Variants in SLC39A11 observed in about 807,000 individuals in gnomAD.
SLC39A11 encodes zinc transporter ZIP11.
Under a neutral mutation model 36.1 loss-of-function variants are expected in SLC39A11, and 33 were observed. That is an observed-to-expected ratio of 0.91 (90% CI 0.69 to 1.22). SLC39A11 has a LOEUF of 1.22. Among genes scored for constraint, SLC39A11 ranks in the 50% most tolerant of loss-of-function variants. The pLI is 0.00. For missense variants in SLC39A11, 432 were observed against 430.3 expected (o/e 1.00, Z -0.03); for synonymous variants, 166 against 170.3 (o/e 0.97, Z 0.20).
chr17:72,958,624 G>GCA (rs1465806366), intron 4 of SLC39A11, among the ~76,000 whole-genome samples: 1 of 152,208 alleles, frequency 6.6e-6, no homozygotes, highest in East Asian at 1.9e-4. Context: ...GCCAAGGAAG[G>GCA]CATATCACCT....
chr17:72,697,478 G>A (rs1411335270), intron 7 of SLC39A11, among the ~76,000 whole-genome samples: 4 of 152,160 alleles, frequency 2.6e-5, no homozygotes, highest in Non-Finnish European at 5.9e-5. Context: ...GACAGAGGGT[G>A]GAGGCTCTGG....
rs1248856149 is a variant in SLC39A11 at position 72,947,754 on chromosome 17, A to T, written c.428T>A (p.Ile143Lys). 6.2e-7 allele frequency: 1 copy of T among 1,614,000 alleles called. No individual in the cohort carries two copies. Among genetic ancestry groups the T allele is most frequent in the South Asian group, 1.1e-5 (1 of 91,074 alleles). Reference sequence around the variant, plus strand: ...GCCTGAAAGAAGCCCAGCTCTACCTATCCGGATGGAAAGTTCACTCTCAGG... The same window carrying T: ...GCCTGAAAGAAGCCCAGCTCTACCTTTCCGGATGGAAAGTTCACTCTCAGG... Reference protein sequence around the residue: ...LFPESELSIRIDKSENGEAYQ... With the variant: ...LFPESELSIRKDKSENGEAYQ... The change falls in exon 5 of 10, where the codon ATA becomes AAA. Residue 143 changes from isoleucine (I) to lysine (K), a missense_variant and splice_region_variant. Coordinates refer to ENST00000255559, the MANE Select transcript of SLC39A11 (RefSeq NM_139177.4).
At chr17:72,725,668 C>T (rs893954591) in intron 7 of SLC39A11, 2 of 152,180 alleles carry the variant, frequency 1.3e-5, no homozygotes, top group African/African-American at 4.8e-5. Context: ...GTGGTGGCGC[C>T]GTCTGTCCAC....
intron 5 of SLC39A11, among the ~76,000 whole-genome samples, chr17:72,911,622 C>A (rs534527307): frequency 1.3e-5 from 2 of 152,036 alleles, no homozygotes; most frequent in Non-Finnish European, 2.9e-5. Flanking sequence ...GATTCTGATT[C>A]TTCTGTGAAG....
In SLC39A11 at chr17:73,005,151, AT is replaced by A. The variant is rs544525983; in HGVS notation, c.306+26404del. On this transcript the variant is annotated intron_variant, in intron 4 of 9. Transcript: ENST00000255559. ...AGCTGGGATTACAACTAATTTTTGT[AT>A]TTTTTGGTAGAGAAGAGGTTTCACC... Among the ~76,000 whole-genome samples the A allele has an allele frequency of 1.8e-4, 27 of 152,106 alleles. 1 individual carries two copies. Among genetic ancestry groups the A allele is most frequent in the African/African-American group, 5.8e-4 (24 of 41,526 alleles).
intron 7 of SLC39A11, among the ~76,000 whole-genome samples, chr17:72,687,106 A>G (rs2071790868): frequency 6.6e-6 from 1 of 152,014 alleles, no homozygotes; most frequent in Non-Finnish European, 1.5e-5. Context: ...CAGCTACTAT[A>G]ACCTCAAACT....
Position 72,977,429 on chromosome 17 carries a change from T to TA in SLC39A11, c.307-29555dup, listed in dbSNP as rs528152308. ...AACAAAGGGTGCTGTTTAAAGCTGT[T>TA]AGACTTATAATCATTTGTACACAGC... On this transcript the variant is annotated intron_variant, in intron 4 of 9. Coordinates refer to ENST00000255559, the MANE Select transcript of SLC39A11 (RefSeq NM_139177.4). 2.1e-3 allele frequency among the ~76,000 whole-genome samples: 315 copies of TA among 152,266 alleles called. 1 individual carries two copies. The highest frequency in any genetic ancestry group is 7.5e-3 in the South Asian group (36 of 4,824).
At chr17:72,959,188 G>A (rs2086437707) in intron 4 of SLC39A11, among the ~76,000 whole-genome samples, 1 of 151,504 alleles carries the variant, frequency 6.6e-6, no homozygotes, top group Non-Finnish European at 1.5e-5. Flanking sequence ...AGGAAAAGAG[G>A]TCATCACATG....
intron 7 of SLC39A11, among the ~76,000 whole-genome samples, chr17:72,680,870 C>T (rs2144299386): frequency 6.6e-6 from 1 of 152,302 alleles, no homozygotes; most frequent in Non-Finnish European, 1.5e-5. Flanking sequence ...CACTGATGGA[C>T]ATTTGGGTTG....
At chr17:73,000,154 T>A (rs2089736927) in intron 4 of SLC39A11, among the ~76,000 whole-genome samples, 1 of 152,146 alleles carries the variant, frequency 6.6e-6, no homozygotes, top group Non-Finnish European at 1.5e-5. Flanking sequence ...GAGTTCTGCC[T>A]ACCAGATGCA....
chr17:72,700,949 C>T (rs1212643706), intron 7 of SLC39A11, among the ~76,000 whole-genome samples: 3 of 152,232 alleles, frequency 2.0e-5, no homozygotes, highest in African/African-American at 7.2e-5. Context: ...AGGGGAGCTA[C>T]AATTCAAGAT....
rs56021607 is a variant in SLC39A11, at chr17:73,062,475, A to AAAAAAAAAAAAAAAAAAAAAAAAAAAAC, written c.147+22332_147+22333insGTTTTTTTTTTTTTTTTTTTTTTTTTTT. Reference sequence around the variant, plus strand: ...AGAGCTTGTCTCAAAAAAAAAAAAAAAAACTTTAGGTGATACACTTCTGCT... The same window carrying AAAAAAAAAAAAAAAAAAAAAAAAAAAAC: ...AGAGCTTGTCTCAAAAAAAAAAAAAAAAAAAAAAAAAAAAAAAAAAAAAAAAACAAACTTTAGGTGATACACTTCTGCT... On this transcript the variant is annotated intron_variant, in intron 3 of 9. Transcript: ENST00000255559. 1.4e-3 allele frequency among the ~76,000 whole-genome samples: 119 copies of AAAAAAAAAAAAAAAAAAAAAAAAAAAAC among 86,992 alleles called. 27 individuals are homozygous for AAAAAAAAAAAAAAAAAAAAAAAAAAAAC. Among genetic ancestry groups the AAAAAAAAAAAAAAAAAAAAAAAAAAAAC allele is most frequent in the East Asian group, 2.8e-3 (7 of 2,486 alleles). The allele number at this position is 86,992 out of a possible 152,430, so 57.1% of individuals were successfully genotyped here.
intron 6 of SLC39A11, among the ~76,000 whole-genome samples, chr17:72,816,460 T>TA (rs1555680704): frequency 1.3e-5 from 2 of 152,198 alleles, no homozygotes; most frequent in Non-Finnish European, 2.9e-5. Context: ...GCGAAACATT[T>TA]AAAAGCTGTG....
At chr17:72,838,980 C>T (rs762117586) in intron 6 of SLC39A11, 6 of 152,142 alleles carry the variant, frequency 3.9e-5, no homozygotes, top group South Asian at 2.1e-4. Context: ...AATATTACGT[C>T]GTCTTTTACT....
At chr17:72,724,534 T>C (rs1458129056) in intron 7 of SLC39A11, among the ~76,000 whole-genome samples, 2 of 152,042 alleles carry the variant, frequency 1.3e-5, no homozygotes, top group African/African-American at 4.8e-5. Context: ...CTCCACCCTC[T>C]GAAATGGAAA....
intron 7 of SLC39A11, among the ~76,000 whole-genome samples, chr17:72,670,500 C>T (rs2070979122): frequency 6.6e-6 from 1 of 152,182 alleles, no homozygotes; most frequent in Non-Finnish European, 1.5e-5. Flanking sequence ...CATTTCCTCC[C>T]TTCCTTCTAC....
intron 6 of SLC39A11, among the ~76,000 whole-genome samples, chr17:72,793,009 A>G (rs564991485): frequency 6.6e-6 from 1 of 152,166 alleles, no homozygotes; most frequent in Non-Finnish European, 1.5e-5. Flanking sequence ...ACAAAAATAC[A>G]AACAGAGCAT....
chr17:72,761,457 A>G (rs2075575103), intron 6 of SLC39A11, among the ~76,000 whole-genome samples: 1 of 152,240 alleles, frequency 6.6e-6, no homozygotes, highest in Non-Finnish European at 1.5e-5. Context: ...TTTCAGTGCA[A>G]GAGCTCAAAC....
At chr17:73,071,055 G>C (rs565731837) in intron 3 of SLC39A11, among the ~76,000 whole-genome samples, 34 of 152,282 alleles carry the variant, frequency 2.2e-4, no homozygotes, top group African/African-American at 7.9e-4. Context: ...GTATGTTCAA[G>C]GCATTGGGGT....
Sources: allele counts gnomAD v4.1 joint callset (sites outside exome capture counted in the v4.1 genomes callset), GRCh38; gene constraint gnomAD v4.1.1; transcripts MANE v1.5; gene names NCBI Gene and HGNC (gene_info 2026-07-23, HGNC 2026-07-21).